TBL1X: variants seen among roughly 807,000 people sequenced by gnomAD.
TBL1X encodes F-box-like/WD repeat-containing protein TBL1X.
Under a neutral mutation model 50.7 loss-of-function variants are expected in TBL1X, and 10 were observed. The ratio of observed to expected loss-of-function variants is 0.20; its 90% confidence interval spans 0.12 to 0.33. TBL1X has a LOEUF of 0.33. TBL1X is among the 10% of genes least tolerant of loss of function. The pLI, the probability that TBL1X is intolerant of heterozygous loss-of-function variation, is 1.00. For missense variants in TBL1X, 340 were observed against 504.4 expected (o/e 0.67, Z 3.12); for synonymous variants, 190 against 214.7 (o/e 0.88, Z 1.01).
chrX:9,531,568 CA>C (rs1407710365), intron 2 of TBL1X, among the ~76,000 whole-genome samples: 1 of 110,319 alleles, frequency 9.1e-6, no homozygotes, highest in Non-Finnish European at 1.9e-5. Flanking sequence ...ATAACAACGA[CA>C]ACAAAAAGAC....
At chrX:9,608,573 A>G (rs2082595805) in intron 2 of TBL1X, among the ~76,000 whole-genome samples, 1 of 111,500 alleles carries the variant, frequency 9.0e-6, no homozygotes, top group African/African-American at 3.3e-5. Flanking sequence ...AAAGAGATTT[A>G]TGAAACCATC....
chrX:9,556,193 A>AAC (rs2082297530), intron 2 of TBL1X, among the ~76,000 whole-genome samples: 1 of 104,786 alleles, frequency 9.5e-6, no homozygotes, highest in Non-Finnish European at 2.0e-5. Context: ...TCTAAACAAA[A>AAC]AAAAAACAAA....
At chrX:9,508,844 C>T (rs2082039191) in intron 2 of TBL1X, among the ~76,000 whole-genome samples, 1 of 110,674 alleles carries the variant, frequency 9.0e-6, no homozygotes, top group African/African-American at 3.3e-5. Context: ...GAAACAAAAC[C>T]AAACACCGCA....
At chrX:9,694,524 G>T (rs1230358451) in intron 11 of TBL1X, among the ~76,000 whole-genome samples, 1 of 111,655 alleles carries the variant, frequency 9.0e-6, no homozygotes, top group Non-Finnish European at 1.9e-5. Context: ...AACCAGCGAG[G>T]CAGAGGAGGT....
chrX:9,643,020 G>A, intron 3 of TBL1X, among the ~76,000 whole-genome samples: 1 of 112,470 alleles, frequency 8.9e-6, no homozygotes, highest in Middle Eastern at 4.6e-3. Context: ...TCTAAATTGT[G>A]ATTACGTAGC....
chrX:9,549,475 T>C (rs1231702849), intron 2 of TBL1X, among the ~76,000 whole-genome samples: 1 of 112,840 alleles, frequency 8.9e-6, no homozygotes, highest in East Asian at 2.8e-4. Flanking sequence ...TTATTTTCTC[T>C]TTTTATTAAA....
At chrX:9,590,419 G>A in intron 2 of TBL1X, among the ~76,000 whole-genome samples, 2 of 110,455 alleles carry the variant, frequency 1.8e-5, no homozygotes, top group East Asian at 5.7e-4. Flanking sequence ...AACATAAAAA[G>A]AGAGAAAAAA....
chrX:9,701,952 G>A (rs183556675), intron 12 of TBL1X, among the ~76,000 whole-genome samples: 2 of 111,836 alleles, frequency 1.8e-5, no homozygotes, highest in South Asian at 3.8e-4. Flanking sequence ...TGACACCCGC[G>A]TCCTCCCACC....
chrX:9,608,924 CT>C (rs111583771), intron 2 of TBL1X, among the ~76,000 whole-genome samples: 7,581 of 111,176 alleles, frequency 0.068, 240 homozygotes, highest in Middle Eastern at 0.13. Context: ...AGTTTCTCCT[CT>C]TGAGTATTTT....
At chrX:9,708,727 G>C (rs900387236) in intron 13 of TBL1X, among the ~76,000 whole-genome samples, 1 of 104,967 alleles carries the variant, frequency 9.5e-6, no homozygotes, top group African/African-American at 3.5e-5. Flanking sequence ...AAAAAAAAGG[G>C]CATGGTGGTG....
At chrX:9,536,255 ATTTTTT>A (rs57650078) in intron 2 of TBL1X, among the ~76,000 whole-genome samples, 1 of 98,286 alleles carries the variant, frequency 1.0e-5, no homozygotes. Context: ...AGAATTGAGC[ATTTTTT>A]TTTTTTTTTA....
intron 5 of TBL1X, among the ~76,000 whole-genome samples, chrX:9,663,524 C>G (rs1041399611): frequency 8.1e-5 from 9 of 111,472 alleles, no homozygotes; most frequent in African/African-American, 2.9e-4. Context: ...TTTAGGAAGC[C>G]TAGGTGGGCA....
chrX:9,608,525 T>C (rs186484641), intron 2 of TBL1X, among the ~76,000 whole-genome samples: 93 of 111,666 alleles, frequency 8.3e-4, no homozygotes, highest in African/African-American at 2.9e-3. Flanking sequence ...TGGTGCAGCC[T>C]CTACAATGTT....
chrX:9,552,315 C>T (rs2082274802), intron 2 of TBL1X, among the ~76,000 whole-genome samples: 1 of 111,629 alleles, frequency 9.0e-6, no homozygotes, highest in South Asian at 3.8e-4. Flanking sequence ...GGGGATCATC[C>T]ACCATCAGTC....
At chrX:9,575,531 G>A (rs1353212294) in intron 2 of TBL1X, among the ~76,000 whole-genome samples, 3 of 111,786 alleles carry the variant, frequency 2.7e-5, no homozygotes, top group East Asian at 2.8e-4. Context: ...CCCCTGTGTC[G>A]GTGCTTCGTT....
intron 2 of TBL1X, among the ~76,000 whole-genome samples, chrX:9,533,097 T>G (rs1434986792): frequency 8.9e-6 from 1 of 111,768 alleles, no homozygotes; most frequent in South Asian, 3.7e-4. Flanking sequence ...ACCACTGAAT[T>G]GTACATTTTG....
chrX:9,703,213 G>T (rs2083185641), intron 12 of TBL1X, among the ~76,000 whole-genome samples: 1 of 105,248 alleles, frequency 9.5e-6, no homozygotes, highest in Admixed American at 1.0e-4. Flanking sequence ...ACCTTCAGGG[G>T]AAGGGAAGAG....
intron 2 of TBL1X, among the ~76,000 whole-genome samples, chrX:9,610,101 CAAG>C (rs769120748): frequency 2.0e-4 from 23 of 112,290 alleles, no homozygotes; most frequent in African/African-American, 7.1e-4. Context: ...GTCCAGAAAG[CAAG>C]AAGAAGCTAG....
intron 5 of TBL1X, among the ~76,000 whole-genome samples, chrX:9,676,101 C>A (rs1382474543): frequency 8.9e-6 from 1 of 112,047 alleles, no homozygotes; most frequent in Non-Finnish European, 1.9e-5. Flanking sequence ...CGTCGTAAAT[C>A]TCTGGTTTAG....
Sources: allele counts gnomAD v4.1 joint callset (sites outside exome capture counted in the v4.1 genomes callset), GRCh38; gene constraint gnomAD v4.1.1; transcripts MANE v1.5; gene names NCBI Gene and HGNC (gene_info 2026-07-23, HGNC 2026-07-21).